Variants in REXO1 observed in about 807,000 individuals in gnomAD.
REXO1 encodes RNA exonuclease 1 homolog, also known as REX1, RNA exonuclease 1 homolog.
REXO1 carries 42 observed loss-of-function variants against 102.6 expected under a neutral mutation model. The ratio of observed to expected loss-of-function variants is 0.41; its 90% CI spans 0.32 to 0.53. The LOEUF (loss-of-function observed/expected upper bound fraction) is 0.53, where lower values mean the gene tolerates loss of function less well. Ranked by LOEUF, REXO1 falls within the 20% of genes least tolerant of loss-of-function variation. The pLI is 0.27. For missense variants in REXO1, 1,819 were observed against 1,732.5 expected (o/e 1.05, Z -0.89); for synonymous variants, 908 against 779.1 (o/e 1.17, Z -2.76).
chr19:1,846,882 G>A (rs982990069), intron 1 of REXO1, among the ~76,000 whole-genome samples: 18 of 152,196 alleles, frequency 1.2e-4, no homozygotes, highest in African/African-American at 3.9e-4. Context: ...TATAGAGTGA[G>A]ACCCTGTCTC....
chr19:1,842,333 T>A (rs1367486676), intron 1 of REXO1, among the ~76,000 whole-genome samples: 1 of 152,188 alleles, frequency 6.6e-6, no homozygotes, highest in African/African-American at 2.4e-5. Flanking sequence ...TCTGTGGGGT[T>A]GTCCCCAGCA....
At chr19:1,844,655 G>A (rs895624577) in intron 1 of REXO1, among the ~76,000 whole-genome samples, 1 of 152,180 alleles carries the variant, frequency 6.6e-6, no homozygotes, top group African/African-American at 2.4e-5. Context: ...CAGCTGGGAC[G>A]CCGCCAACAG....
Position 1,821,551 on chromosome 19 carries a change from G to T in REXO1, c.2362C>A (p.Pro788Thr). 1.9e-6 allele frequency: 3 copies of T among 1,613,916 alleles called. No homozygotes were observed. Among genetic ancestry groups the T allele is most frequent in the Non-Finnish European group, 2.5e-6 (3 of 1,179,884 alleles). ...MASKTTTTII[P>T]KRIAHSPSLQ... ...GATGGACTGTGGGCGATTCGCTTAG[G>T]GATGATGGTGGTGGTAGTCTTGGAC... Residue 788 changes from proline to threonine, a missense_variant, in exon 5 of 16, where the codon CCT (proline) becomes ACT (threonine). Coordinates refer to ENST00000170168, the MANE Select transcript of REXO1 (RefSeq NM_020695.4).
At position 1,827,172 on chromosome 19, in the gene REXO1, C is replaced by T; in HGVS notation, c.1617G>A (p.Trp539Ter). 6.5e-7 allele frequency: 1 copy of T among 1,541,264 alleles called. No homozygotes were observed. The highest frequency in any genetic ancestry group is 2.0e-5 in the Admixed American group (1 of 50,922). Residue 539 changes from tryptophan to a stop codon, truncating the protein, a stop_gained, in exon 2 of 16, where the codon TGG becomes TGA. Coordinates refer to ENST00000170168, the MANE Select transcript of REXO1 (RefSeq NM_020695.4). LOFTEE classifies it high-confidence loss of function. Reference protein sequence around the residue: ...EAAGPGVPSVWPSALPSLSSD... With the variant: ...EAAGPGVPSV ...AGCTGAGGCTGGGGAGGGCAGAGGG[C>T]CACACGCTCGGCACCCCTGGCCCTG...
At chr19:1,843,056 G>C (rs764598934) in intron 1 of REXO1, among the ~76,000 whole-genome samples, 2 of 152,286 alleles carry the variant, frequency 1.3e-5, no homozygotes, top group African/African-American at 4.8e-5. Flanking sequence ...CAAGAGTCAC[G>C]GGGCAGCAGA....
intron 7 of REXO1, 144 bp from the exon 8 acceptor site, chr19:1,819,275 C>T: frequency 3.1e-6 from 2 of 638,358 alleles, no homozygotes; most frequent in Non-Finnish European, 5.3e-6. Flanking sequence ...ACCCCGGGTT[C>T]CAGCCTGACC....
intron 1 of REXO1, among the ~76,000 whole-genome samples, chr19:1,833,550 G>A (rs1451518235): frequency 6.6e-6 from 1 of 152,238 alleles, no homozygotes; most frequent in Admixed American, 6.5e-5. Context: ...AGGGACAGCT[G>A]CCAGGCCAGG....
Position 1,827,342 on chromosome 19 carries a change from T to C in REXO1, c.1447A>G (p.Lys483Glu), listed in dbSNP as rs953016174. The change falls in exon 2 of 16, where the codon AAG (lysine) becomes GAG (glutamate). Residue 483 changes from lysine (K) to glutamate (E), a missense_variant. By Grantham distance (56) the Lys-to-Glu change is moderately conservative (BLOSUM62 1). Transcript: ENST00000170168. ...TTCCCCGACGGGGCCTTGGTGCTCT[T>C]CCTGTCGGGCAGCTGGAGGGGGCGG... ...PPRPLQLPDR[K>E]STKAPSGKLV... is the part of the protein sequence containing the mutation. 19 of 1,551,642 alleles carry C rather than the reference T, an allele frequency of 1.2e-5. No individual in the cohort carries two copies. Among genetic ancestry groups the C allele is most frequent in the Non-Finnish European group, 1.6e-5 (18 of 1,153,058 alleles).
chr19:1,816,022 G>C lies in REXO1; in HGVS notation c.*44C>G. The C allele has an allele frequency of 6.5e-7, 1 of 1,539,888 alleles. No homozygotes were observed. Among genetic ancestry groups the C allele is most frequent in the East Asian group, 2.4e-5 (1 of 40,984 alleles). ...GTTTTGGAAGAGGCATGGGGCTAAG[G>C]ACCAGCGGGACGGCAGGAGAGGCGG... On this transcript the variant is annotated 3_prime_UTR_variant, in exon 16 of 16. Transcript: ENST00000170168.
At position 1,827,331 on chromosome 19, in the gene REXO1, C is replaced by A; in HGVS notation, c.1458G>T (p.Lys486Asn). ...PLQLPDRKST[K>N]APSGKLVERK... ...GCTCCACTAGCTTCCCCGACGGGGC[C>A]TTGGTGCTCTTCCTGTCGGGCAGCT... The change falls in exon 2 of 16, where the codon AAG becomes AAT. Residue 486 changes from lysine to asparagine, a missense_variant. By Grantham distance (94) the Lys-to-Asn change is moderately conservative. Coordinates refer to ENST00000170168, the MANE Select transcript of REXO1 (RefSeq NM_020695.4). The A allele has an allele frequency of 6.4e-7, 1 of 1,556,798 alleles. No individual in the cohort carries two copies. The highest frequency in any genetic ancestry group is 1.8e-5 in the Admixed American group (1 of 54,764).
In REXO1 at chr19:1,826,133, C is replaced by T. The variant is rs1463607246; in HGVS notation, c.1912-190G>A. On this transcript the variant is annotated intron_variant, in intron 2 of 15. Coordinates refer to ENST00000170168, the MANE Select transcript of REXO1 (RefSeq NM_020695.4). The surrounding 1 kb of genome is among the most constrained non-coding windows in gnomAD (Gnocchi z 4.3). ...GTCGGAGGGGTGGGCAGGTGTCACA[C>T]GTTCTGCAGATGCCCAAGGCTACCT... Among the ~76,000 whole-genome samples the T allele has an allele frequency of 1.3e-5, 2 of 152,140 alleles. No homozygotes were observed. Among genetic ancestry groups the T allele is most frequent in the African/African-American group, 4.8e-5 (2 of 41,434 alleles).
rs1256087831 is a variant in REXO1 at position 1,827,163 on chromosome 19, G to A, written c.1626C>T (p.Ala542=). ...GPGVPSVWPS[A]LPSLSSDSDS... ...CTGAGTCCGAGCTGAGGCTGGGGAGGGCAGAGGGCCACACGCTCGGCACCC... is the reference window on the plus strand; with the variant it reads ...CTGAGTCCGAGCTGAGGCTGGGGAGAGCAGAGGGCCACACGCTCGGCACCC... Residue 542 remains alanine, a synonymous_variant, in exon 2 of 16, where the codon GCC becomes GCT. Coordinates refer to ENST00000170168, the MANE Select transcript of REXO1 (RefSeq NM_020695.4). 4.5e-6 allele frequency: 7 copies of A among 1,541,714 alleles called. No homozygotes were observed. In the Admixed American group the frequency reaches 1.4e-4, roughly 30 times the overall value.
chr19:1,824,732 T>G (rs547378911), intron 3 of REXO1, among the ~76,000 whole-genome samples: 4 of 152,154 alleles, frequency 2.6e-5, no homozygotes, highest in Non-Finnish European at 5.9e-5. Context: ...GCGTCACAGA[T>G]TTACAGGAAC....
chr19:1,832,639 C>A (rs942949692), intron 1 of REXO1, among the ~76,000 whole-genome samples: 14 of 150,442 alleles, frequency 9.3e-5, no homozygotes, highest in Admixed American at 3.9e-4. Context: ...GCCTGTCATC[C>A]CAGGCACGGT....
rs529000828 is a variant in REXO1, at chr19:1,843,158, C to T, written c.157+5044G>A. On this transcript the variant is annotated intron_variant, in intron 1 of 15. Coordinates refer to ENST00000170168, the MANE Select transcript of REXO1 (RefSeq NM_020695.4). Reference sequence around the variant, plus strand: ...ACCCCCCGCCCGGAGGGTCCCAGCTCCCCGGGCCCAGAGCCGCAGCTGGGC... The same window carrying T: ...ACCCCCCGCCCGGAGGGTCCCAGCTTCCCGGGCCCAGAGCCGCAGCTGGGC... 1.0e-3 allele frequency among the ~76,000 whole-genome samples: 159 copies of T among 151,956 alleles called. 1 individual carries two copies. Among genetic ancestry groups the T allele is most frequent in the Non-Finnish European group, 9.1e-4 (62 of 67,870 alleles).
At chr19:1,831,845 C>CAAAAAAAAAA (rs745676775) in intron 1 of REXO1, among the ~76,000 whole-genome samples, 2 of 51,302 alleles carry the variant, frequency 3.9e-5, no homozygotes, top group African/African-American at 6.9e-5. Context: ...AACTCCATCT[C>CAAAAAAAAAA]AAAAAAAAAA....
rs2069562111 is a variant in REXO1 at position 1,822,084 on chromosome 19, C to T, written c.2231-402G>A. The T allele has an allele frequency of 9.0e-6, 4 of 444,308 alleles. No individual in the cohort carries two copies. In the Admixed American group the frequency reaches 1.3e-4, roughly 14 times the overall value. The allele number at this position is 444,308 out of a possible 1,614,324, so 27.5% of individuals were successfully genotyped here. A position where few individuals can be genotyped will look rare whatever the true frequency, so the allele number is the denominator to read the frequency against. ...CTGCGGCCTCTGTGTTCTGCCTTGC[C>T]CTTTGATGAAGTCACAAACCAGAGG... is the stretch of plus-strand genomic sequence containing the variant. On this transcript the variant is annotated intron_variant, in intron 4 of 15. Coordinates refer to ENST00000170168, the MANE Select transcript of REXO1 (RefSeq NM_020695.4).
rs1038900725 is a variant in REXO1 at position 1,828,822 on chromosome 19, G to A, written c.158-191C>T. Among the ~76,000 whole-genome samples, 21 of 152,370 alleles carry A rather than the reference G, an allele frequency of 1.4e-4. No individual in the cohort carries two copies. The East Asian group carries it at 3.1e-3, about 22-fold the overall frequency. ...ATGGCGCCATCTCAGGCCCTGTGCC[G>A]GGCCCCGCCTTGCCCTGACCAATGG... On this transcript the variant is annotated intron_variant, in intron 1 of 15. Transcript: ENST00000170168.
chr19:1,835,557 T>C (rs968920798), intron 1 of REXO1, among the ~76,000 whole-genome samples: 5 of 151,924 alleles, frequency 3.3e-5, no homozygotes, highest in Non-Finnish European at 7.4e-5. Flanking sequence ...CACACATACA[T>C]ACATACATAC....
Sources: allele counts gnomAD v4.1 joint callset (sites outside exome capture counted in the v4.1 genomes callset), GRCh38; gene constraint gnomAD v4.1.1; non-coding constraint Gnocchi (gnomAD v3.1); transcripts MANE v1.5; gene names NCBI Gene and HGNC (gene_info 2026-07-23, HGNC 2026-07-21).